TFDP1: variants seen among roughly 807,000 people sequenced by gnomAD.
TFDP1 encodes DRTF1-polypeptide 1.
Under a neutral mutation model 48.0 loss-of-function variants are expected in TFDP1, and 6 were observed. That is an observed-to-expected ratio of 0.13 (90% CI 0.07 to 0.25). The LOEUF is 0.25. Among genes scored for constraint, TFDP1 ranks in the 10% least tolerant of loss-of-function variants. The pLI is 1.00. For synonymous variants in TFDP1, 201 were observed against 211.6 expected, an observed-to-expected ratio of 0.95 and a Z score of 0.44; for missense variants, 335 against 543.0, an observed-to-expected ratio of 0.62 and a Z score of 3.81.
intron 2 of TFDP1, among the ~76,000 whole-genome samples, chr13:113,604,146 G>T (rs1348895292): frequency 7.4e-6 from 1 of 134,936 alleles, no homozygotes; most frequent in African/African-American, 3.0e-5. Context: ...GGGTGACAGA[G>T]TAACAGCCTG....
chr13:113,611,168 C>T, intron 3 of TFDP1, 106 bp downstream of exon 3: 1 of 1,136,910 alleles, frequency 8.8e-7, no homozygotes, highest in Admixed American at 1.9e-5. Flanking sequence ...ATGGCATCTC[C>T]TGCATGGGCA....
At chr13:113,626,752 T>C (rs990658309) in intron 4 of TFDP1, among the ~76,000 whole-genome samples, 4 of 152,246 alleles carry the variant, frequency 2.6e-5, no homozygotes, top group Admixed American at 2.6e-4. Flanking sequence ...AATGCCATTT[T>C]GATAAAAGCT....
intron 2 of TFDP1, among the ~76,000 whole-genome samples, chr13:113,604,101 C>A (rs2048505561): frequency 6.9e-6 from 1 of 144,730 alleles, no homozygotes; most frequent in Non-Finnish European, 1.5e-5. Context: ...GTCAAGGCTG[C>A]AGTGAGCTGA....
intron 2 of TFDP1, among the ~76,000 whole-genome samples, chr13:113,606,234 G>A (rs369813511): frequency 2.6e-5 from 4 of 152,092 alleles, no homozygotes; most frequent in Admixed American, 6.5e-5. Context: ...GGAAGGCCGC[G>A]TGGTGGTGAG....
rs1006271180 is a variant in TFDP1, at chr13:113,618,909, C to T, written c.80-4271C>T. On this transcript the variant is annotated intron_variant, in intron 3 of 11. Coordinates refer to ENST00000375370, the MANE Select transcript of TFDP1 (RefSeq NM_007111.5). ...ATATAATATTTGTCTGTGTTTCAGA[C>T]GCACACAAAAACAATCATTTATAGC... 6.2e-4 allele frequency among the ~76,000 whole-genome samples: 94 copies of T among 152,256 alleles called. 1 individual carries two copies. The highest frequency in any genetic ancestry group is 2.0e-3 in the African/African-American group (85 of 41,554).
chr13:113,639,412 C>A (rs2049586152), intron 11 of TFDP1, among the ~76,000 whole-genome samples: 2 of 152,176 alleles, frequency 1.3e-5, no homozygotes, highest in African/African-American at 4.8e-5. Context: ...CATGAAAGGA[C>A]ATCTAGGTAG....
In TFDP1 at chr13:113,640,334, G is replaced by T; in HGVS notation, c.*67G>T. 1 of 1,536,288 alleles carries T rather than the reference G, an allele frequency of 6.5e-7. No individual in the cohort carries two copies. On this transcript the variant is annotated 3_prime_UTR_variant, in exon 12 of 12. Transcript: ENST00000375370. The stretch of plus-strand genomic sequence containing the variant: ...CGAAAAGAAACTTTTTTTTTAATGT[G>T]GGTTTTCTGTTTCCTTTTGGCCTAC...
rs1366254808 is a variant in TFDP1 at position 113,598,937 on chromosome 13, G to A, written c.13-12059G>A. On this transcript the variant is annotated intron_variant, in intron 2 of 11. Transcript: ENST00000375370. This position sits in a 1 kb window ranked among gnomAD's most constrained non-coding sequence, Gnocchi z 4.2. ...TGAAATCGCCTTATTGCTTTGTTCG[G>A]TTATGAAAATGGAAAGTTTATTTAA... is the stretch of plus-strand genomic sequence containing the variant. 6.6e-6 allele frequency among the ~76,000 whole-genome samples: 1 copy of A among 152,302 alleles called. No homozygotes were observed. The highest frequency in any genetic ancestry group is 2.1e-4 in the South Asian group (1 of 4,822).
intron 2 of TFDP1, among the ~76,000 whole-genome samples, chr13:113,606,747 T>C (rs1000819092): frequency 2.6e-5 from 4 of 152,214 alleles, no homozygotes; most frequent in Admixed American, 2.0e-4. Flanking sequence ...CTAATTTCCT[T>C]TATGGAAAGG....
chr13:113,610,986 C>G lies in TFDP1; in HGVS notation c.13-10C>G. On this transcript the variant is annotated splice_polypyrimidine_tract_variant and intron_variant, in intron 2 of 11. Coordinates refer to ENST00000375370, the MANE Select transcript of TFDP1 (RefSeq NM_007111.5). ...TGTCATATTTATTATTGTTTTGTTG[C>G]TTTCCGCAGGCCGGTCTAATTGAAG... 6.2e-7 allele frequency: 1 copy of G among 1,613,360 alleles called. No homozygotes were observed. Among genetic ancestry groups the G allele is most frequent in the Non-Finnish European group, 8.5e-7 (1 of 1,179,688 alleles).
At position 113,617,482 on chromosome 13, in the gene TFDP1, C is replaced by G. The variant is rs189448768; in HGVS notation, c.80-5698C>G. On this transcript the variant is annotated intron_variant, in intron 3 of 11. Coordinates refer to ENST00000375370, the MANE Select transcript of TFDP1 (RefSeq NM_007111.5). ...TGCAGAACCGTTCACCTGCAGAGCCCTTCACCTGCAGAACCGTTCACCTGC... is the reference window on the plus strand; with the variant it reads ...TGCAGAACCGTTCACCTGCAGAGCCGTTCACCTGCAGAACCGTTCACCTGC... Among the ~76,000 whole-genome samples, 63 of 128,626 alleles carry G rather than the reference C, an allele frequency of 4.9e-4. No individual in the cohort carries two copies. In the East Asian group the frequency reaches 0.01, roughly 21 times the overall value. The allele number at this position is 128,626 out of a possible 152,430, so 84.4% of individuals were successfully genotyped here. A position where few individuals can be genotyped will look rare whatever the true frequency, so the allele number is the denominator to read the frequency against.
chr13:113,602,416 C>G (rs966551680), intron 2 of TFDP1, among the ~76,000 whole-genome samples: 1 of 152,084 alleles, frequency 6.6e-6, no homozygotes, highest in Non-Finnish European at 1.5e-5. Flanking sequence ...GCAGGAGTCC[C>G]GTGCTGGGGC....
intron 4 of TFDP1, among the ~76,000 whole-genome samples, chr13:113,629,318 C>T (rs1009473921): frequency 3.9e-5 from 6 of 152,204 alleles, no homozygotes; most frequent in African/African-American, 1.4e-4. Flanking sequence ...ACTGGTGGCT[C>T]GTTCTCAGGG....
At chr13:113,614,330 G>A (rs1160050129) in intron 3 of TFDP1, among the ~76,000 whole-genome samples, 3 of 152,144 alleles carry the variant, frequency 2.0e-5, no homozygotes, top group Admixed American at 1.3e-4. Flanking sequence ...TTCACTAGTG[G>A]GCCCCCCTTG....
At chr13:113,620,306 A>AG (rs1342217861) in intron 3 of TFDP1, among the ~76,000 whole-genome samples, 1 of 152,116 alleles carries the variant, frequency 6.6e-6, no homozygotes, top group Non-Finnish European at 1.5e-5. Context: ...GGGATGCCTG[A>AG]GTGTATGCTA....
intron 2 of TFDP1, among the ~76,000 whole-genome samples, chr13:113,591,506 G>A (rs1326532707): frequency 6.6e-6 from 1 of 152,154 alleles, no homozygotes; most frequent in Non-Finnish European, 1.5e-5. Flanking sequence ...GAAATCTCTG[G>A]AGTTCGTTGT....
At chr13:113,602,529 A>C (rs2048463564) in intron 2 of TFDP1, among the ~76,000 whole-genome samples, 1 of 152,186 alleles carries the variant, frequency 6.6e-6, no homozygotes, top group Non-Finnish European at 1.5e-5. Context: ...TGTGCAGTGC[A>C]AGTGTTTTCT....
intron 2 of TFDP1, among the ~76,000 whole-genome samples, chr13:113,594,452 G>C (rs1038497885): frequency 2.6e-5 from 4 of 151,384 alleles, no homozygotes; most frequent in Non-Finnish European, 1.5e-5. Flanking sequence ...CAGGTGACAG[G>C]TGTGCTGTGT....
chr13:113,637,729 G>T, intron 10 of TFDP1, 89 bp from the exon 11 acceptor site: 2 of 1,608,912 alleles, frequency 1.2e-6, no homozygotes, highest in Non-Finnish European at 1.7e-6. Context: ...CGTCTGTCCT[G>T]TGGAACTGCG....
Sources: allele counts gnomAD v4.1 joint callset (sites outside exome capture counted in the v4.1 genomes callset), GRCh38; gene constraint gnomAD v4.1.1; non-coding constraint Gnocchi (gnomAD v3.1); transcripts MANE v1.5; gene names NCBI Gene and HGNC (gene_info 2026-07-23, HGNC 2026-07-21).